MARCHF5: variants seen among roughly 807,000 people sequenced by gnomAD.
MARCHF5 encodes the protein E3 ubiquitin-protein ligase MARCHF5.
MARCHF5 carries 5 observed loss-of-function variants against 36.5 expected under a neutral mutation model. The ratio of observed to expected loss-of-function variants is 0.14; its 90% CI spans 0.07 to 0.29. MARCHF5 has a LOEUF of 0.29. MARCHF5 is among the 10% of genes least tolerant of loss of function. The probability of loss-of-function intolerance (pLI) is 1.00; values close to 1 mark genes in which losing one functional copy is unlikely to be tolerated. For synonymous variants in MARCHF5, 103 were observed against 109.9 expected (o/e 0.94, Z 0.39); for missense variants, 179 against 336.3 (o/e 0.53, Z 3.66).
intron 1 of MARCHF5, among the ~76,000 whole-genome samples, chr10:92,295,811 A>C (rs1032848302): frequency 6.6e-6 from 1 of 151,936 alleles, no homozygotes; most frequent in African/African-American, 2.4e-5. Flanking sequence ...TGATTACTGT[A>C]ATATTTGTAG....
chr10:92,325,677 A>G (rs1227254802), intron 2 of MARCHF5, among the ~76,000 whole-genome samples: 9 of 152,054 alleles, frequency 5.9e-5, no homozygotes, highest in African/African-American at 2.2e-4. Flanking sequence ...TTATTTTATT[A>G]TTTATGTATT....
At chr10:92,334,255 CAG>C (rs1843476022) in intron 2 of MARCHF5, among the ~76,000 whole-genome samples, 1 of 152,130 alleles carries the variant, frequency 6.6e-6, no homozygotes, top group East Asian at 1.9e-4. Context: ...AAAAAGCAAA[CAG>C]AAAAAACATG....
chr10:92,316,369 C>G (rs1191900456), intron 2 of MARCHF5, among the ~76,000 whole-genome samples: 1 of 152,086 alleles, frequency 6.6e-6, no homozygotes, highest in Non-Finnish European at 1.5e-5. Flanking sequence ...CACTGTTTGC[C>G]ACCCATGTTA....
Position 92,351,901 on chromosome 10 carries a change from C to CTGTGTGTGT in MARCHF5, c.*694_*695insTGTGTGTGT, listed in dbSNP as rs1843718415. On this transcript the variant is annotated 3_prime_UTR_variant, in exon 6 of 6. Coordinates refer to ENST00000358935, the MANE Select transcript of MARCHF5 (RefSeq NM_017824.5). Reference sequence around the variant, plus strand: ...ATGAAGTAATTTTGACTCATGCAGTCGTGTGTGTGTGTGTGTGTGTGTGTG... The same window carrying CTGTGTGTGT: ...ATGAAGTAATTTTGACTCATGCAGTCTGTGTGTGTGTGTGTGTGTGTGTGTGTGTGTGTG... 1 of 141,232 alleles carries CTGTGTGTGT rather than the reference C, an allele frequency of 7.1e-6. No individual in the cohort carries two copies. The highest frequency in any genetic ancestry group is 1.6e-5 in the Non-Finnish European group (1 of 64,400). The allele number at this position is 141,232 out of a possible 1,614,324, so 8.7% of individuals were successfully genotyped here.
At chr10:92,335,210 T>TA (rs756642469) in intron 2 of MARCHF5, among the ~76,000 whole-genome samples, 1 of 152,190 alleles carries the variant, frequency 6.6e-6, no homozygotes, top group Non-Finnish European at 1.5e-5. Flanking sequence ...TCCCATAACT[T>TA]TTTGTGGTGT....
At chr10:92,314,909 G>A (rs939581128) in intron 2 of MARCHF5, among the ~76,000 whole-genome samples, 1 of 152,114 alleles carries the variant, frequency 6.6e-6, no homozygotes, top group Admixed American at 6.5e-5. Flanking sequence ...ACATGCTGAA[G>A]ATACCTATTC....
intron 3 of MARCHF5, among the ~76,000 whole-genome samples, chr10:92,346,038 A>G (rs1181785390): frequency 6.6e-6 from 1 of 152,118 alleles, no homozygotes; most frequent in Non-Finnish European, 1.5e-5. Context: ...ATTCTATATA[A>G]TTCCTGGAGC....
intron 3 of MARCHF5, among the ~76,000 whole-genome samples, chr10:92,343,138 T>G (rs928740479): frequency 1.3e-5 from 2 of 152,262 alleles, no homozygotes; most frequent in African/African-American, 4.8e-5. Flanking sequence ...GCTTTAAGGC[T>G]GTTGGGCTGT....
intron 1 of MARCHF5, among the ~76,000 whole-genome samples, chr10:92,298,409 A>G (rs1842973346): frequency 1.3e-5 from 2 of 151,926 alleles, no homozygotes; most frequent in African/African-American, 4.8e-5. Context: ...TCTTTTCCTC[A>G]TTTCCTTTAG....
chr10:92,316,644 C>T (rs1403131454), intron 2 of MARCHF5, among the ~76,000 whole-genome samples: 1 of 152,162 alleles, frequency 6.6e-6, no homozygotes, highest in Admixed American at 6.5e-5. Context: ...CTCACTGCAG[C>T]CTCAGACTCC....
chr10:92,312,961 C>T (rs1032089933), intron 2 of MARCHF5, among the ~76,000 whole-genome samples: 3 of 152,188 alleles, frequency 2.0e-5, no homozygotes, highest in South Asian at 4.1e-4. Context: ...CTTGGCTGGG[C>T]GTGGCGGCTC....
intron 2 of MARCHF5, among the ~76,000 whole-genome samples, chr10:92,314,956 T>C (rs1012391596): frequency 5.9e-5 from 9 of 152,212 alleles, no homozygotes; most frequent in Admixed American, 5.9e-4. Context: ...CAATTTTCCA[T>C]GCAGTTATTA....
chr10:92,316,162 T>G (rs758362601), intron 2 of MARCHF5, among the ~76,000 whole-genome samples: 5 of 151,422 alleles, frequency 3.3e-5, no homozygotes, highest in Non-Finnish European at 7.4e-5. Context: ...GATTTTGTGT[T>G]TTTTTTTTAA....
intron 1 of MARCHF5, among the ~76,000 whole-genome samples, chr10:92,305,601 A>C (rs1156696380): frequency 1.3e-5 from 2 of 152,212 alleles, no homozygotes; most frequent in Non-Finnish European, 2.9e-5. Flanking sequence ...ATGAGTCCCC[A>C]GGTGATGCTT....
At chr10:92,349,254 T>C (rs1843690472) in intron 3 of MARCHF5, 95 bp from the exon 4 acceptor site, 1 of 925,238 alleles carries the variant, frequency 1.1e-6, no homozygotes, top group African/African-American at 1.7e-5. Flanking sequence ...TGTATTCTTT[T>C]GAAATTAAGC....
At chr10:92,327,251 T>A (rs1843374018) in intron 2 of MARCHF5, among the ~76,000 whole-genome samples, 1 of 147,974 alleles carries the variant, frequency 6.8e-6, no homozygotes, top group Non-Finnish European at 1.5e-5. Flanking sequence ...TTGCCTAAAC[T>A]TTTTTTTTTT....
At chr10:92,347,237 A>C (rs956007816) in intron 3 of MARCHF5, among the ~76,000 whole-genome samples, 2 of 152,062 alleles carry the variant, frequency 1.3e-5, no homozygotes, top group African/African-American at 4.8e-5. Flanking sequence ...TAATCCCAGC[A>C]CTTTGGGGGG....
At chr10:92,333,740 A>G (rs1483957858) in intron 2 of MARCHF5, 1 of 715,530 alleles carries the variant, frequency 1.4e-6, no homozygotes, top group East Asian at 1.3e-4. Context: ...GGATTTTTAT[A>G]CAGATTTAAT....
At chr10:92,295,407 A>ATTTTTTTTT (rs1474666242) in intron 1 of MARCHF5, among the ~76,000 whole-genome samples, 1 of 77,884 alleles carries the variant, frequency 1.3e-5, no homozygotes, top group Non-Finnish European at 2.6e-5. Flanking sequence ...TTATTTATTT[A>ATTTTTTTTT]TTTTTTATTT....
Sources: gnomAD v4.1 joint callset for allele counts (sites outside exome capture counted in the v4.1 genomes callset) on GRCh38, gnomAD v4.1.1 for gene constraint, MANE v1.5 for transcripts, NCBI Gene and HGNC (gene_info 2026-07-23, HGNC 2026-07-21) for gene names.